Variants in JAKMIP3 observed in about 807,000 individuals in gnomAD.
JAKMIP3 encodes Janus kinase and microtubule interacting protein 3, also known as janus kinase and microtubule-interacting protein 3.
In JAKMIP3, 58 loss-of-function variants were observed where a neutral mutation model predicts 118.5. The observed-to-expected ratio is 0.49, with a 90% CI of 0.40 to 0.61. The LOEUF (loss-of-function observed/expected upper bound fraction) is 0.61, where lower values mean the gene tolerates loss of function less well. Among genes scored for constraint, JAKMIP3 ranks in the 20% least tolerant of loss-of-function variants. The pLI is 0.00. For missense variants in JAKMIP3, 950 were observed against 1,109.0 expected (o/e 0.86, Z 2.04); for synonymous variants, 486 against 451.2 (o/e 1.08, Z -0.98).
At chr10:132,060,301 A>G (rs2038355156), upstream of JAKMIP3, among the ~76,000 whole-genome samples, 2 of 152,062 alleles carry the variant, frequency 1.3e-5, no homozygotes, top group African/African-American at 4.8e-5. Flanking sequence ...TGATGATGAG[A>G]TGGGGGCCAG....
intron 1 of JAKMIP3, among the ~76,000 whole-genome samples, chr10:132,093,955 G>C (rs957408471): frequency 2.0e-5 from 2 of 102,170 alleles, no homozygotes; most frequent in African/African-American, 8.0e-5. Flanking sequence ...TTTTTTTTGA[G>C]ATGGAGTCTT....
chr10:132,164,581 G>T, intron 20 of JAKMIP3, 89 bp from the exon 21 acceptor site: 1 of 896,612 alleles, frequency 1.1e-6, no homozygotes, highest in Non-Finnish European at 1.8e-6. Flanking sequence ...GCGACGATCT[G>T]TTACCAAGGA....
Position 132,095,876 on chromosome 10 carries a change from C to T in JAKMIP3, c.-137-8796C>T, listed in dbSNP as rs553588195. ...CTTCAAGATTGGGGCAGGAGTGGCCCACCACAGAGACAGTGCCTGTCTGGG... is the reference window on the plus strand; with the variant it reads ...CTTCAAGATTGGGGCAGGAGTGGCCTACCACAGAGACAGTGCCTGTCTGGG... On this transcript the variant is annotated intron_variant, in intron 1 of 23. Transcript: ENST00000684848. Among the ~76,000 whole-genome samples the T allele has an allele frequency of 4.6e-5, 7 of 152,312 alleles. No individual in the cohort carries two copies. The East Asian group carries it at 5.8e-4, about 13-fold the overall frequency.
rs2059621110 is a variant in JAKMIP3 at position 132,172,725 on chromosome 10, C to T, written c.*1103+3692C>T. ...CCGGCGCCCTGCAAAGCACTCTCTT[C>T]CTCTCTGTCCCCACAAGGCGGGGTC... On this transcript the variant is annotated intron_variant, in intron 23 of 23. Coordinates refer to ENST00000684848, the MANE Select transcript of JAKMIP3 (RefSeq NM_001323087.2). Among the ~76,000 whole-genome samples, 3 of 152,048 alleles carry T rather than the reference C, an allele frequency of 2.0e-5. No homozygotes were observed. The South Asian group carries it at 6.2e-4, about 32-fold the overall frequency.
chr10:132,140,719 G>A, intron 10 of JAKMIP3, 140 bp downstream of exon 10: 1 of 1,423,734 alleles, frequency 7.0e-7, no homozygotes, highest in Admixed American at 2.4e-5. Context: ...GCTTTTCACG[G>A]GGAAGCCCTT....
At chr10:132,103,515 G>A (rs1175267677) in intron 1 of JAKMIP3, among the ~76,000 whole-genome samples, 1 of 142,582 alleles carries the variant, frequency 7.0e-6, no homozygotes, top group Non-Finnish European at 1.5e-5. Flanking sequence ...GCTTGGTGGG[G>A]GGAGCCTCTG....
At chr10:132,100,831 C>T (rs1423986721) in intron 1 of JAKMIP3, among the ~76,000 whole-genome samples, 1 of 126,650 alleles carries the variant, frequency 7.9e-6, no homozygotes, top group Non-Finnish European at 1.8e-5. Context: ...GCATGAGGAA[C>T]CCCTGCCGCG....
intron 16 of JAKMIP3, among the ~76,000 whole-genome samples, chr10:132,152,425 G>A (rs545644790): frequency 1.3e-5 from 2 of 152,340 alleles, no homozygotes; most frequent in African/African-American, 4.8e-5. Context: ...ACTCTACCCA[G>A]AAGGGCCACC....
chr10:132,101,722 G>A lies in JAKMIP3; in HGVS notation c.-137-2950G>A, dbSNP rs189107580. On this transcript the variant is annotated intron_variant, in intron 1 of 23. Transcript: ENST00000684848. The stretch of plus-strand genomic sequence containing the variant: ...CCTGGGGTGCCGCTGGAAGGAAGCT[G>A]GAGCCCTGTGTCTCGGGGGCTGTCT... Among the ~76,000 whole-genome samples, 148 of 152,202 alleles carry A rather than the reference G, an allele frequency of 9.7e-4. 1 individual carries two copies. Among genetic ancestry groups the A allele is most frequent in the African/African-American group, 3.4e-3 (141 of 41,534 alleles).
rs1274114744 is a variant in JAKMIP3 at position 132,078,026 on chromosome 10, G to C, written c.-138+11965G>C. Among the ~76,000 whole-genome samples the C allele has an allele frequency of 2.6e-5, 4 of 152,182 alleles. No homozygotes were observed. The South Asian group carries it at 6.2e-4, about 24-fold the overall frequency. On this transcript the variant is annotated intron_variant, in intron 1 of 23. Coordinates refer to ENST00000684848, the MANE Select transcript of JAKMIP3 (RefSeq NM_001323087.2). ...GGGGTTTCACTATGTTGGCCAGGCT[G>C]GTCTCGAACTCCTGGGCTCAGGTGA...
At position 132,112,906 on chromosome 10, in the gene JAKMIP3, C is replaced by T. The variant is rs2047095718; in HGVS notation, c.136-4171C>T. ...CTTTCCCTTCTGCCCCCTTTGGCTG[C>T]TCCATTCTTTCCTACTCCTTAGAAA... On this transcript the variant is annotated intron_variant, in intron 2 of 23. Coordinates refer to ENST00000684848, the MANE Select transcript of JAKMIP3 (RefSeq NM_001323087.2). This position sits in a 1 kb window ranked among gnomAD's most constrained non-coding sequence, Gnocchi z 4.3. Among the ~76,000 whole-genome samples, 1 of 152,208 alleles carries T rather than the reference C, an allele frequency of 6.6e-6. No individual in the cohort carries two copies. The highest frequency in any genetic ancestry group is 2.4e-5 in the African/African-American group (1 of 41,456).
At chr10:132,057,082 T>C (rs1207258654) in intron 1 of JAKMIP3, among the ~76,000 whole-genome samples, 1 of 152,060 alleles carries the variant, frequency 6.6e-6, no homozygotes, top group Non-Finnish European at 1.5e-5. Context: ...AGGACCTGTG[T>C]GTAGCATGTG....
intron 22 of JAKMIP3, 86 bp from the exon 23 acceptor site, chr10:132,167,867 C>G: frequency 9.4e-7 from 1 of 1,059,594 alleles, no homozygotes; most frequent in Non-Finnish European, 1.3e-6. Flanking sequence ...CCCCTCGGCC[C>G]TCGCCCCTCG....
In JAKMIP3 at chr10:132,102,965, T is replaced by C. The variant is rs1478216750; in HGVS notation, c.-137-1707T>C. ...CAGGAGAGGAGACGCGGGCATGGGG[T>C]GGGGGGAAGTGTTCACCGGGAGAGG... On this transcript the variant is annotated intron_variant, in intron 1 of 23. Transcript: ENST00000684848. 6.7e-5 allele frequency among the ~76,000 whole-genome samples: 7 copies of C among 105,060 alleles called. 1 individual carries two copies. In the South Asian group the frequency reaches 9.5e-4, roughly 14 times the overall value. 68.9% of individuals were successfully genotyped at this position (105,060 alleles called of 152,430 possible). A position where few individuals can be genotyped will look rare whatever the true frequency, so the allele number is the denominator to read the frequency against.
At chr10:132,064,774 C>G (rs1245691609), upstream of JAKMIP3, among the ~76,000 whole-genome samples, 2 of 152,122 alleles carry the variant, frequency 1.3e-5, no homozygotes, top group Non-Finnish European at 1.5e-5. The surrounding 1 kb of genome is among the most constrained non-coding windows in gnomAD (Gnocchi z 4.4). Flanking sequence ...GTGGCCAGAT[C>G]TAGACAGACA....
At chr10:132,093,851 G>A (rs2043450575) in intron 1 of JAKMIP3, among the ~76,000 whole-genome samples, 1 of 152,030 alleles carries the variant, frequency 6.6e-6, no homozygotes, top group South Asian at 2.1e-4. Flanking sequence ...GCTGTAGACT[G>A]GAGCTGTTCC....
chr10:132,043,880 T>C (rs1313047642), intron 1 of JAKMIP3, among the ~76,000 whole-genome samples: 1 of 152,234 alleles, frequency 6.6e-6, no homozygotes, highest in Non-Finnish European at 1.5e-5. Flanking sequence ...AGAATAAGGA[T>C]TGGAAATAAG....
intron 1 of JAKMIP3, among the ~76,000 whole-genome samples, chr10:132,058,247 AC>A (rs2038298740): frequency 6.6e-6 from 1 of 152,162 alleles, no homozygotes; most frequent in Non-Finnish European, 1.5e-5. Context: ...TTCATTTGGC[AC>A]CCATGGGTGG....
intron 11 of JAKMIP3, among the ~76,000 whole-genome samples, chr10:132,142,484 G>GCCCCTCTC (rs139247122): frequency 4.0e-5 from 6 of 148,314 alleles, no homozygotes; most frequent in African/African-American, 1.5e-4. Context: ...GCCTGCCCCG[G>GCCCCTCTC]CCCCGGCCCC....
Sources: gnomAD v4.1 joint callset for allele counts (sites outside exome capture counted in the v4.1 genomes callset) on GRCh38, gnomAD v4.1.1 for gene constraint, Gnocchi (gnomAD v3.1) non-coding constraint, MANE v1.5 for transcripts, NCBI Gene and HGNC (gene_info 2026-07-23, HGNC 2026-07-21) for gene names.